The following HLTF variants were observed in gnomAD, a reference collection of about 807,000 sequenced individuals.
HLTF encodes DNA-dependent ATPase/E3 ubiquitin-protein ligase HLTF.
HLTF carries 127 observed loss-of-function variants against 129.4 expected under a neutral mutation model. The observed-to-expected ratio is 0.98, with a 90% CI of 0.85 to 1.14. The LOEUF is 1.14. Among genes scored for constraint, HLTF ranks in the 50% most tolerant of loss-of-function variants. The pLI is 0.00. For synonymous variants in HLTF, 332 were observed against 388.8 expected (o/e 0.85, Z 1.72); for missense variants, 1,139 against 1,187.1 (o/e 0.96, Z 0.60).
Position 149,071,359 on chromosome 3 carries a change from A to G in HLTF, c.787T>C (p.Phe263Leu). ...SRENSKELPP[F>L]WEQRNDLYYN... Reference sequence around the variant, plus strand: ...TATAAGTCATTTCGCTGTTCCCAGAATGGTGGAAGTTCTTTGCTATTTTCC... The same window carrying G: ...TATAAGTCATTTCGCTGTTCCCAGAGTGGTGGAAGTTCTTTGCTATTTTCC... Residue 263 changes from phenylalanine to leucine, a missense_variant, in exon 7 of 25, where the codon TTC (phenylalanine) becomes CTC (leucine). Transcript: ENST00000310053. The G allele has an allele frequency of 6.2e-7, 1 of 1,613,278 alleles. No homozygotes were observed. Among genetic ancestry groups the G allele is most frequent in the Non-Finnish European group, 8.5e-7 (1 of 1,179,228 alleles).
At chr3:149,052,266 T>A (rs1445390635) in intron 14 of HLTF, 3 of 152,214 alleles carry the variant, frequency 2.0e-5, no homozygotes, top group Non-Finnish European at 4.4e-5. Context: ...TAAAATTTTT[T>A]AAAATACTCT....
intron 8 of HLTF, 110 bp downstream of exon 8, chr3:149,068,130 C>G: frequency 1.7e-6 from 1 of 584,316 alleles, no homozygotes; most frequent in Non-Finnish European, 3.1e-6. Context: ...AGAGACCATT[C>G]ATCGCATTTC....
chr3:149,052,518 G>A (rs1246521111), intron 14 of HLTF, among the ~76,000 whole-genome samples: 2 of 152,102 alleles, frequency 1.3e-5, no homozygotes, highest in Non-Finnish European at 2.9e-5. Flanking sequence ...AATAATAAAT[G>A]AATAACATAT....
intron 10 of HLTF, chr3:149,063,037 G>A (rs1174059017): frequency 4.4e-6 from 2 of 456,308 alleles, no homozygotes; most frequent in Non-Finnish European, 8.8e-6. Flanking sequence ...CAAATATAAG[G>A]GTCATGGTCA....
intron 9 of HLTF, among the ~76,000 whole-genome samples, chr3:149,064,418 A>T (rs1718188483): frequency 6.6e-6 from 1 of 152,236 alleles, no homozygotes; most frequent in African/African-American, 2.4e-5. Flanking sequence ...TTGGCTCTAA[A>T]GCTAGCTTTC....
At chr3:149,036,923 A>C (rs1183217367) in intron 23 of HLTF, among the ~76,000 whole-genome samples, 1 of 152,164 alleles carries the variant, frequency 6.6e-6, no homozygotes, top group African/African-American at 2.4e-5. Flanking sequence ...ACGTTCTGTA[A>C]ATTTTTAAAA....
chr3:149,084,051 T>C (rs898342623), intron 2 of HLTF, among the ~76,000 whole-genome samples: 3 of 152,172 alleles, frequency 2.0e-5, no homozygotes, highest in Admixed American at 6.5e-5. Context: ...ATTACAAAGA[T>C]TTTAAATTCA....
chr3:149,071,696 T>C (rs1418495807), intron 5 of HLTF, 39 bp from the exon 6 acceptor site: 7 of 1,146,112 alleles, frequency 6.1e-6, no homozygotes, highest in Non-Finnish European at 7.6e-6. Flanking sequence ...TAAAACAAAC[T>C]AATTAAAATA....
Position 149,086,465 on chromosome 3 carries a change from C to A in HLTF, c.-129G>T, listed in dbSNP as rs1315496284. 2 of 1,068,274 alleles carry A rather than the reference C, an allele frequency of 1.9e-6. No individual in the cohort carries two copies. The highest frequency in any genetic ancestry group is 1.4e-5 in the South Asian group (1 of 69,392). The allele number at this position is 1,068,274 out of a possible 1,614,324, so 66.2% of individuals were successfully genotyped here. A position where few individuals can be genotyped will look rare whatever the true frequency, so the allele number is the denominator to read the frequency against. On this transcript the variant is annotated 5_prime_UTR_variant, in exon 1 of 25. Coordinates refer to ENST00000310053, the MANE Select transcript of HLTF (RefSeq NM_003071.4). ...CAAATTCCGAGCGCCGGATCAGGAG[C>A]GCACGACTGAAAGGTAAGTCGCCGC...
intron 2 of HLTF, among the ~76,000 whole-genome samples, chr3:149,083,264 A>G (rs558707797): frequency 1.3e-5 from 2 of 152,184 alleles, no homozygotes; most frequent in Admixed American, 6.5e-5. Flanking sequence ...AAAAAAAACA[A>G]AAACAAATAA....
intron 2 of HLTF, among the ~76,000 whole-genome samples, chr3:149,079,495 T>C (rs1719693980): frequency 1.3e-5 from 1 of 76,372 alleles, no homozygotes; most frequent in African/African-American, 4.8e-5. Flanking sequence ...ATTATAAATC[T>C]TTGTTGATAG....
Position 149,055,364 on chromosome 3 carries a change from A to G in HLTF, c.1412T>C (p.Val471Ala), listed in dbSNP as rs554588734. The G allele has an allele frequency of 6.2e-7, 1 of 1,614,000 alleles. No individual in the cohort carries two copies. Among genetic ancestry groups the G allele is most frequent in the East Asian group, 2.2e-5 (1 of 44,850 alleles). The change falls in exon 14 of 25, where the codon GTT becomes GCT. Residue 471 changes from valine (V) to alanine (A), a missense_variant. Transcript: ENST00000310053. Reference sequence around the variant, plus strand: ...CAGTGTTGTTCTTGGTCTCTCCTCAACATCAGTTTTCTTTGACCCCTCCAC... The same window carrying G: ...CAGTGTTGTTCTTGGTCTCTCCTCAGCATCAGTTTTCTTTGACCCCTCCAC... ...CAVEGSKKTD[V>A]EERPRTTLII... is the part of the protein sequence containing the mutation.
intron 20 of HLTF, among the ~76,000 whole-genome samples, chr3:149,041,194 C>T (rs1053257712): frequency 6.6e-6 from 1 of 152,030 alleles, no homozygotes; most frequent in East Asian, 1.9e-4. Flanking sequence ...TTTCTTTTTA[C>T]TTAAGAGTAT....
intron 1 of HLTF, among the ~76,000 whole-genome samples, chr3:149,085,915 A>G (rs1363948569): frequency 2.6e-5 from 4 of 152,180 alleles, no homozygotes; most frequent in Non-Finnish European, 5.9e-5. Flanking sequence ...CGCCTCTGCA[A>G]ATACTTATCT....
intron 24 of HLTF, among the ~76,000 whole-genome samples, chr3:149,034,577 T>C (rs1715408845): frequency 6.6e-6 from 1 of 152,224 alleles, no homozygotes; most frequent in African/African-American, 2.4e-5. Context: ...TGGTAAATTT[T>C]GTATTTTACC....
At chr3:149,042,534 C>T (rs1256536802) in intron 18 of HLTF, among the ~76,000 whole-genome samples, 1 of 152,026 alleles carries the variant, frequency 6.6e-6, no homozygotes, top group East Asian at 1.9e-4. Flanking sequence ...GGGATGACTG[C>T]AGATCTCAAA....
At chr3:149,071,864 T>G (rs1014014920) in intron 5 of HLTF, among the ~76,000 whole-genome samples, 1 of 151,976 alleles carries the variant, frequency 6.6e-6, no homozygotes, top group Non-Finnish European at 1.5e-5. Flanking sequence ...CTGGATAACA[T>G]AGTGAGAGAT....
intron 8 of HLTF, among the ~76,000 whole-genome samples, chr3:149,067,645 G>A (rs191450363): frequency 6.6e-6 from 1 of 151,750 alleles, no homozygotes; most frequent in East Asian, 1.9e-4. Flanking sequence ...TGGAACTACA[G>A]GTGCCAGTCA....
At chr3:149,069,096 A>C (rs1349709624) in intron 7 of HLTF, among the ~76,000 whole-genome samples, 3 of 152,222 alleles carry the variant, frequency 2.0e-5, no homozygotes, top group African/African-American at 7.2e-5. Flanking sequence ...AGCATAAAAC[A>C]AAGCAGTTGG....
Sources: gnomAD v4.1 joint callset for allele counts (sites outside exome capture counted in the v4.1 genomes callset) on GRCh38, gnomAD v4.1.1 for gene constraint, MANE v1.5 for transcripts, NCBI Gene and HGNC (gene_info 2026-07-23, HGNC 2026-07-21) for gene names.